Variants in MCHR2 observed in about 807,000 individuals in gnomAD.
The protein encoded by MCHR2 is melanin concentrating hormone receptor 2, also known as melanin-concentrating hormone receptor 2.
In MCHR2, 15 loss-of-function variants were observed where a neutral mutation model predicts 24.8. That is an observed-to-expected ratio of 0.60 (90% CI 0.40 to 0.93). The LOEUF is 0.93. Among genes scored for constraint, MCHR2 ranks in the 40% least tolerant of loss-of-function variants. The pLI is 0.00. For synonymous variants in MCHR2, 151 were observed against 147.6 expected (o/e 1.02, Z -0.17); for missense variants, 386 against 408.7 (o/e 0.94, Z 0.48).
chr6:99,941,053 CAG>C (rs1328011389), intron 4 of MCHR2, among the ~76,000 whole-genome samples: 1 of 152,068 alleles, frequency 6.6e-6, no homozygotes, highest in Non-Finnish European at 1.5e-5. Context: ...TAGGTTAAGG[CAG>C]AGACAGGTAT....
chr6:99,943,137 A>C lies in MCHR2; in HGVS notation c.399T>G (p.Phe133Leu). Residue 133 changes from phenylalanine to leucine, a missense_variant, in exon 4 of 6, where the codon TTT (phenylalanine) becomes TTG (leucine). Transcript: ENST00000281806. Reference sequence around the variant, plus strand: ...TCAGTCGAAATGGTTGGACGAGGGCAAAGTACCTGCAAAGGCAGTCAGGAA... The same window carrying C: ...TCAGTCGAAATGGTTGGACGAGGGCCAAGTACCTGCAAAGGCAGTCAGGAA... ...IMTVMSVDRY[F>L]ALVQPFRLTR... The C allele has an allele frequency of 6.2e-7, 1 of 1,607,568 alleles. No homozygotes were observed. The highest frequency in any genetic ancestry group is 1.1e-5 in the South Asian group (1 of 90,068).
At chr6:99,988,368 A>C (rs1582415965) in intron 1 of MCHR2, among the ~76,000 whole-genome samples, 1 of 152,316 alleles carries the variant, frequency 6.6e-6, no homozygotes, top group Admixed American at 6.5e-5. Context: ...GCTAGTCCTC[A>C]TCCTCATGTA....
rs1293880035 is a variant in MCHR2, at chr6:99,972,239, G to T, written c.-27-16065C>A. Among the ~76,000 whole-genome samples, 561 of 152,216 alleles carry T rather than the reference G, an allele frequency of 3.7e-3. 2 individuals are homozygous for T. Among genetic ancestry groups the T allele is most frequent in the African/African-American group, 0.012 (508 of 41,550 alleles). Reference sequence around the variant, plus strand: ...TATTGATTATTGCCACAATTTCAGAGCCTGTTATTGGTCTATTCAGAGATT... The same window carrying T: ...TATTGATTATTGCCACAATTTCAGATCCTGTTATTGGTCTATTCAGAGATT... On this transcript the variant is annotated intron_variant, in intron 1 of 5. Transcript: ENST00000281806.
At chr6:99,968,438 T>C (rs1775333643) in intron 1 of MCHR2, among the ~76,000 whole-genome samples, 1 of 152,188 alleles carries the variant, frequency 6.6e-6, no homozygotes, top group East Asian at 1.9e-4. Flanking sequence ...TCTCCTCTCA[T>C]AGCTACACAG....
intron 1 of MCHR2, among the ~76,000 whole-genome samples, chr6:99,977,027 T>C (rs901175236): frequency 2.0e-5 from 3 of 152,228 alleles, no homozygotes; most frequent in Non-Finnish European, 4.4e-5. Context: ...TTCATTTTTA[T>C]AACAAAGTTA....
At position 99,956,107 on chromosome 6, in the gene MCHR2, T is replaced by G; in HGVS notation, c.41A>C (p.Glu14Ala). 1 of 1,613,290 alleles carries G rather than the reference T, an allele frequency of 6.2e-7. No homozygotes were observed. The highest frequency in any genetic ancestry group is 1.1e-5 in the South Asian group (1 of 90,982). The stretch of plus-strand genomic sequence containing the variant: ...TTTATTCCAGGATTTGTTTAAAAGT[T>G]CGGCAGAGGTGTTCCAACAAGATGC... The part of the protein sequence containing the change: ...FHASCWNTSA[E>A]LLNKSWNKEF... The change falls in exon 2 of 6, where the codon GAA (glutamate) becomes GCA (alanine). Residue 14 changes from glutamate (E) to alanine (A), a missense_variant. Coordinates refer to ENST00000281806, the MANE Select transcript of MCHR2 (RefSeq NM_001040179.2).
chr6:99,930,539 T>C (rs934467470), intron 5 of MCHR2, among the ~76,000 whole-genome samples: 5 of 152,168 alleles, frequency 3.3e-5, no homozygotes, highest in African/African-American at 1.2e-4. Context: ...TGTTCGTTTC[T>C]TTTTATTCTT....
intron 1 of MCHR2, among the ~76,000 whole-genome samples, chr6:99,989,395 C>T (rs534390877): frequency 9.2e-5 from 14 of 152,144 alleles, no homozygotes; most frequent in East Asian, 1.9e-4. Context: ...TGTACATTAC[C>T]TCATTTAAAG....
intron 1 of MCHR2, among the ~76,000 whole-genome samples, chr6:99,991,086 G>T (rs1775863508): frequency 6.6e-6 from 1 of 151,924 alleles, no homozygotes; most frequent in African/African-American, 2.4e-5. Flanking sequence ...CAATGGTTCT[G>T]AAATTGTAGC....
chr6:99,929,943 T>C (rs1582371422), intron 5 of MCHR2, among the ~76,000 whole-genome samples: 1 of 150,680 alleles, frequency 6.6e-6, no homozygotes, highest in Admixed American at 6.7e-5. Context: ...TCGACGGTCT[T>C]TACAATTTTG....
chr6:99,962,988 T>C (rs1196553445), intron 1 of MCHR2, among the ~76,000 whole-genome samples: 2 of 151,944 alleles, frequency 1.3e-5, no homozygotes, highest in Non-Finnish European at 1.5e-5. Context: ...CCAACAGATA[T>C]ATGAAAAGAT....
At chr6:99,977,618 T>G (rs1390085003) in intron 1 of MCHR2, among the ~76,000 whole-genome samples, 1 of 152,176 alleles carries the variant, frequency 6.6e-6, no homozygotes, top group African/African-American at 2.4e-5. Context: ...CATTTATTTT[T>G]TTTCCCTTCT....
chr6:99,948,090 A>G (rs1774907722), intron 2 of MCHR2, 119 bp from the exon 3 acceptor site: 2 of 767,690 alleles, frequency 2.6e-6, no homozygotes, highest in African/African-American at 1.8e-5. Context: ...AGGAAAACCT[A>G]TACAGATGCA....
In MCHR2 at chr6:99,956,009, T is replaced by C. The variant is rs199555524; in HGVS notation, c.139A>G (p.Thr47Ala). Reference protein sequence around the residue: ...LPSMIGIICSTGLVGNILIVF... With the variant: ...LPSMIGIICSAGLVGNILIVF... ...ATGAGGATGTTGCCAACCAGCCCTGTTGAACAGATAATCCCAATCATGGAA... is the reference window on the plus strand; with the variant it reads ...ATGAGGATGTTGCCAACCAGCCCTGCTGAACAGATAATCCCAATCATGGAA... Residue 47 changes from threonine (T) to alanine (A), a missense_variant, in exon 2 of 6, where the codon ACA becomes GCA. Coordinates refer to ENST00000281806, the MANE Select transcript of MCHR2 (RefSeq NM_001040179.2). 322 of 1,612,954 alleles carry C rather than the reference T, an allele frequency of 2.0e-4. No individual in the cohort carries two copies. The highest frequency in any genetic ancestry group is 2.7e-4 in the Non-Finnish European group (314 of 1,179,436).
intron 5 of MCHR2, among the ~76,000 whole-genome samples, chr6:99,927,419 C>T (rs36163185): frequency 0.17 from 25,363 of 152,096 alleles, 2,273 homozygotes; most frequent in African/African-American, 0.19. Context: ...CTATAAATTA[C>T]CTTGGGCAGT....
intron 1 of MCHR2, among the ~76,000 whole-genome samples, chr6:99,974,891 C>G (rs1054379723): frequency 6.6e-6 from 1 of 152,026 alleles, no homozygotes; most frequent in Non-Finnish European, 1.5e-5. Context: ...AACAGCAGAT[C>G]TTGGTGAACC....
chr6:99,977,918 T>C (rs1014862353), intron 1 of MCHR2, among the ~76,000 whole-genome samples: 18 of 152,206 alleles, frequency 1.2e-4, no homozygotes, highest in Non-Finnish European at 2.2e-4. Context: ...TCTTGGACCA[T>C]ATCACTGCTT....
chr6:99,986,000 A>C (rs1177481083), intron 1 of MCHR2, among the ~76,000 whole-genome samples: 1 of 152,180 alleles, frequency 6.6e-6, no homozygotes, highest in Non-Finnish European at 1.5e-5. Context: ...TAACCCTATT[A>C]AAAAGCAAGC....
intron 5 of MCHR2, among the ~76,000 whole-genome samples, chr6:99,933,526 T>A (rs530974288): frequency 2.6e-5 from 4 of 152,194 alleles, no homozygotes; most frequent in South Asian, 4.1e-4. Context: ...TTCAAAGAAT[T>A]CCAAGAAACT....
Sources: gnomAD v4.1 joint callset for allele counts (sites outside exome capture counted in the v4.1 genomes callset) on GRCh38, gnomAD v4.1.1 for gene constraint, MANE v1.5 for transcripts, NCBI Gene and HGNC (gene_info 2026-07-23, HGNC 2026-07-21) for gene names.